The following KDM4B variants were observed in gnomAD, a reference collection of about 807,000 sequenced individuals.
KDM4B encodes the protein lysine demethylase 4B.
Under a neutral mutation model 125.2 loss-of-function variants are expected in KDM4B, and 32 were observed. That is an observed-to-expected ratio of 0.26 (90% CI 0.19 to 0.34). KDM4B has a LOEUF of 0.34. KDM4B is among the 10% of genes least tolerant of loss of function. KDM4B has a pLI of 1.00. For missense variants in KDM4B, 1,190 were observed against 1,577.7 expected (o/e 0.75, Z 4.16); for synonymous variants, 721 against 677.9 (o/e 1.06, Z -0.99).
chr19:5,061,854 C>A (rs1177357106), intron 6 of KDM4B, among the ~76,000 whole-genome samples: 1 of 151,312 alleles, frequency 6.6e-6, no homozygotes, highest in Non-Finnish European at 1.5e-5. Flanking sequence ...AAAACAACAA[C>A]AAAAAACAAC....
intron 9 of KDM4B, among the ~76,000 whole-genome samples, chr19:5,100,723 T>C (rs1378118303): frequency 6.6e-6 from 1 of 152,210 alleles, no homozygotes; most frequent in African/African-American, 2.4e-5. Context: ...CCTCTTTGTC[T>C]TTTTTATTAA....
At chr19:5,151,238 T>G in intron 22 of KDM4B, 97 bp from the exon 23 acceptor site, 2 of 1,095,560 alleles carry the variant, frequency 1.8e-6, no homozygotes, top group Non-Finnish European at 2.4e-6. Context: ...ATCAGGGCTC[T>G]GTGTCCAGCC....
chr19:4,985,956 C>A lies in KDM4B; in HGVS notation c.-109+16726C>A, dbSNP rs118102107. Among the ~76,000 whole-genome samples the A allele has an allele frequency of 2.6e-4, 40 of 152,366 alleles. 1 individual carries two copies. In the East Asian group the frequency reaches 7.7e-3, roughly 29 times the overall value. On this transcript the variant is annotated intron_variant, in intron 1 of 22. Coordinates refer to ENST00000159111, the MANE Select transcript of KDM4B (RefSeq NM_015015.3). The stretch of plus-strand genomic sequence containing the variant: ...CGGCCGTCTCCCGGTTTTTCCCTCG[C>A]TGTCTGGGCCTGAAACAGCCCAGAA...
chr19:5,102,248 A>G (rs2038951540), intron 9 of KDM4B, among the ~76,000 whole-genome samples: 1 of 152,040 alleles, frequency 6.6e-6, no homozygotes, highest in Non-Finnish European at 1.5e-5. Context: ...GTCCTCCCTA[A>G]AGGCACTTTC....
chr19:5,020,458 T>A (rs181000564), intron 2 of KDM4B, among the ~76,000 whole-genome samples: 1 of 152,140 alleles, frequency 6.6e-6, no homozygotes, highest in African/African-American at 2.4e-5. Flanking sequence ...AGGAATCGCC[T>A]GCCCGTCTCC....
chr19:5,149,865 C>T (rs938214292), intron 21 of KDM4B, among the ~76,000 whole-genome samples: 1 of 152,220 alleles, frequency 6.6e-6, no homozygotes, highest in African/African-American at 2.4e-5. Context: ...GAGGGCCACA[C>T]ATAAGCCAGG....
At position 5,035,859 on chromosome 19, in the gene KDM4B, G is replaced by C. The variant is rs1568244524; in HGVS notation, c.141+2828G>C. Among the ~76,000 whole-genome samples, 1 of 77,306 alleles carries C rather than the reference G, an allele frequency of 1.3e-5. No individual in the cohort carries two copies. Among genetic ancestry groups the C allele is most frequent in the African/African-American group, 3.7e-5 (1 of 26,698 alleles). The allele number at this position is 77,306 out of a possible 152,430, so 50.7% of individuals were successfully genotyped here. On this transcript the variant is annotated intron_variant, in intron 3 of 22. Coordinates refer to ENST00000159111, the MANE Select transcript of KDM4B (RefSeq NM_015015.3). This position sits in a 1 kb window ranked among gnomAD's most constrained non-coding sequence, Gnocchi z 5.3. The stretch of plus-strand genomic sequence containing the variant: ...CTGTGGAGGGGCTGTGTGTGCACGT[G>C]TCTCTGTGTGTGTGTGTGTGTGCGC...
chr19:4,982,948 G>A (rs184631713), intron 1 of KDM4B, among the ~76,000 whole-genome samples: 1 of 152,202 alleles, frequency 6.6e-6, no homozygotes, highest in East Asian at 1.9e-4. Context: ...GCTGTCCAGT[G>A]AGGATGCAGA....
chr19:5,072,670 A>G (rs747638516), intron 7 of KDM4B, among the ~76,000 whole-genome samples: 3 of 152,242 alleles, frequency 2.0e-5, no homozygotes, highest in Non-Finnish European at 4.4e-5. Flanking sequence ...CCCATGTTGT[A>G]TTAGCATCCT....
Position 5,151,594 on chromosome 19 carries a change from C to G in KDM4B, c.*83C>G. The G allele has an allele frequency of 8.4e-7, 1 of 1,186,028 alleles. No individual in the cohort carries two copies. Among genetic ancestry groups the G allele is most frequent in the Middle Eastern group, 3.2e-4 (1 of 3,112 alleles). The allele number at this position is 1,186,028 out of a possible 1,614,324, so 73.5% of individuals were successfully genotyped here. A position where few individuals can be genotyped will look rare whatever the true frequency, so the allele number is the denominator to read the frequency against. On this transcript the variant is annotated 3_prime_UTR_variant, in exon 23 of 23. Coordinates refer to ENST00000159111, the MANE Select transcript of KDM4B (RefSeq NM_015015.3). ...GCGTTCGCTTGCTGTGAATTCCTGTCCTCGTGTCCCCGACCCCCGAGAGGC... is the reference window on the plus strand; with the variant it reads ...GCGTTCGCTTGCTGTGAATTCCTGTGCTCGTGTCCCCGACCCCCGAGAGGC...
intron 6 of KDM4B, 24 bp downstream of exon 6, chr19:5,047,693 C>T (rs751270198): frequency 2.0e-5 from 32 of 1,606,936 alleles, no homozygotes; most frequent in South Asian, 6.6e-5. Flanking sequence ...CTGGCCCTGC[C>T]GCCGGCCGGA....
chr19:5,122,394 A>G (rs899054090), intron 11 of KDM4B, among the ~76,000 whole-genome samples: 2 of 152,136 alleles, frequency 1.3e-5, no homozygotes, highest in African/African-American at 4.8e-5. Flanking sequence ...CTGCCACGGG[A>G]GGGGACAGAT....
intron 6 of KDM4B, among the ~76,000 whole-genome samples, chr19:5,054,496 G>GCC (rs2037334766): frequency 6.7e-6 from 1 of 150,238 alleles, no homozygotes; most frequent in Non-Finnish European, 1.5e-5. Flanking sequence ...GTGTGCGCGC[G>GCC]CATGCACATG....
intron 1 of KDM4B, among the ~76,000 whole-genome samples, chr19:4,981,234 G>A (rs1046765740): frequency 6.6e-6 from 1 of 152,110 alleles, no homozygotes; most frequent in African/African-American, 2.4e-5. Context: ...CTTGCCCTTT[G>A]CTGTGTCCTG....
At chr19:5,007,233 G>C (rs1424889038) in intron 1 of KDM4B, among the ~76,000 whole-genome samples, 1 of 152,232 alleles carries the variant, frequency 6.6e-6, no homozygotes, top group Non-Finnish European at 1.5e-5. Flanking sequence ...CCATATTGGA[G>C]AGGTTTCTAG....
rs1008040446 is a variant in KDM4B, at chr19:5,152,053, A to G, written c.*542A>G. 2 of 152,152 alleles carry G rather than the reference A, an allele frequency of 1.3e-5. No individual in the cohort carries two copies. The highest frequency in any genetic ancestry group is 4.8e-5 in the African/African-American group (2 of 41,434). The allele number at this position is 152,152 out of a possible 1,614,324, so 9.4% of individuals were successfully genotyped here. A position where few individuals can be genotyped will look rare whatever the true frequency, so the allele number is the denominator to read the frequency against. ...TTTTTTGTTGTTGTTTTAAAATATT[A>G]TGATTTGGCTACAGACCAGGCAGGG... On this transcript the variant is annotated 3_prime_UTR_variant, in exon 23 of 23. Transcript: ENST00000159111.
intron 6 of KDM4B, among the ~76,000 whole-genome samples, chr19:5,054,462 A>ATGTGTGTG (rs3070257): frequency 1.3e-5 from 2 of 150,478 alleles, no homozygotes; most frequent in East Asian, 2.0e-4. Flanking sequence ...GAGAGAGAGA[A>ATGTGTGTG]TGTGTGTGTG....
In KDM4B at chr19:5,115,506, T is replaced by C. The variant is rs1599217580; in HGVS notation, c.1116-4147T>C. ...GGGCTCTCCTAAAGTCACAGGCTCC[T>C]GCCCTCAGCAGCCCCTGCCACTGCC... On this transcript the variant is annotated intron_variant, in intron 10 of 22. Coordinates refer to ENST00000159111, the MANE Select transcript of KDM4B (RefSeq NM_015015.3). The surrounding 1 kb of genome is among the most constrained non-coding windows in gnomAD (Gnocchi z 4.2). Among the ~76,000 whole-genome samples, 1 of 152,332 alleles carries C rather than the reference T, an allele frequency of 6.6e-6. No homozygotes were observed. Among genetic ancestry groups the C allele is most frequent in the East Asian group, 1.9e-4 (1 of 5,182 alleles).
rs770172346 is a variant in KDM4B, at chr19:5,137,617, A to G, written c.2386-4A>G. The G allele has an allele frequency of 6.2e-7, 1 of 1,604,608 alleles. No homozygotes were observed. Among genetic ancestry groups the G allele is most frequent in the Non-Finnish European group, 8.5e-7 (1 of 1,178,584 alleles). On this transcript the variant is annotated splice_polypyrimidine_tract_variant and splice_region_variant and intron_variant, in intron 16 of 22. Coordinates refer to ENST00000159111, the MANE Select transcript of KDM4B (RefSeq NM_015015.3). ...GCTCATCCAGGGCTGTCTGGTCTCC[A>G]CAGGAGTGCTGCCTGTGCAACCTGC...
Sources: gnomAD v4.1 joint callset for allele counts (sites outside exome capture counted in the v4.1 genomes callset) on GRCh38, gnomAD v4.1.1 for gene constraint, Gnocchi (gnomAD v3.1) non-coding constraint, MANE v1.5 for transcripts, NCBI Gene and HGNC (gene_info 2026-07-23, HGNC 2026-07-21) for gene names.